RALYL: variants seen among roughly 807,000 people sequenced by gnomAD.
RALYL encodes the protein RNA-binding Raly-like protein.
A neutral mutation model predicts 35.1 loss-of-function variants in RALYL; 29 were observed. That is an observed-to-expected ratio of 0.83 (90% CI 0.61 to 1.13). The LOEUF (loss-of-function observed/expected upper bound fraction) is 1.13, where lower values mean the gene tolerates loss of function less well. RALYL is among the 50% of genes most tolerant of loss of function. The pLI, the probability that RALYL is intolerant of heterozygous loss-of-function variation, is 0.00. For synonymous variants in RALYL, 120 were observed against 127.6 expected (o/e 0.94, Z 0.40); for missense variants, 359 against 360.4 (o/e 1.00, Z 0.03).
chr8:84,416,881 C>T (rs2044765284), intron 1 of RALYL, among the ~76,000 whole-genome samples: 7 of 152,090 alleles, frequency 4.6e-5, no homozygotes, highest in Admixed American at 4.6e-4. Flanking sequence ...TAAATGCATA[C>T]ATAGGAAAGT....
chr8:84,262,951 G>A (rs1325148842), intron 1 of RALYL, among the ~76,000 whole-genome samples: 6 of 152,116 alleles, frequency 3.9e-5, no homozygotes, highest in African/African-American at 1.2e-4. Context: ...GTTGAGAAGT[G>A]TCTCTAGTTT....
At chr8:84,619,140 G>A (rs995097196) in intron 2 of RALYL, among the ~76,000 whole-genome samples, 3 of 151,402 alleles carry the variant, frequency 2.0e-5, no homozygotes, top group East Asian at 1.9e-4. Context: ...TTCAATTCCT[G>A]GGTATCCTTG....
chr8:84,654,703 T>C (rs1221267759), intron 2 of RALYL, among the ~76,000 whole-genome samples: 1 of 152,134 alleles, frequency 6.6e-6, no homozygotes, highest in African/African-American at 2.4e-5. Flanking sequence ...TGTGCCTGGC[T>C]TATGTCACTT....
At chr8:84,192,698 C>T (rs1814212259) in intron 1 of RALYL, among the ~76,000 whole-genome samples, 1 of 152,000 alleles carries the variant, frequency 6.6e-6, no homozygotes, top group Admixed American at 6.6e-5. Context: ...GCTAAGATTA[C>T]AGGCGTGTGC....
chr8:84,854,486 G>A (rs1836562704), intron 5 of RALYL, among the ~76,000 whole-genome samples: 1 of 152,094 alleles, frequency 6.6e-6, no homozygotes, highest in Admixed American at 6.5e-5. Flanking sequence ...GCTGATTTGG[G>A]ACATCTCTGG....
chr8:84,303,269 G>C (rs994667353), intron 1 of RALYL, among the ~76,000 whole-genome samples: 1 of 152,188 alleles, frequency 6.6e-6, no homozygotes, highest in South Asian at 2.1e-4. Flanking sequence ...TATGTATTTC[G>C]GTGAGTTGGA....
chr8:84,438,583 G>A (rs1395007991), intron 1 of RALYL, among the ~76,000 whole-genome samples: 1 of 151,820 alleles, frequency 6.6e-6, no homozygotes, highest in African/African-American at 2.4e-5. Context: ...GTTGAGCCGA[G>A]GTTTTGCCAT....
At chr8:84,769,097 A>G (rs181349894) in intron 2 of RALYL, among the ~76,000 whole-genome samples, 111 of 152,366 alleles carry the variant, frequency 7.3e-4, no homozygotes, top group Middle Eastern at 3.4e-3. Flanking sequence ...CTAGAAATAT[A>G]TAAAAGATGT....
intron 1 of RALYL, among the ~76,000 whole-genome samples, chr8:84,485,117 G>A (rs912584777): frequency 5.3e-5 from 8 of 151,938 alleles, no homozygotes; most frequent in African/African-American, 1.2e-4. Context: ...TCTAATATTG[G>A]AATATTTAAG....
At chr8:84,320,116 T>A (rs1367550573) in intron 1 of RALYL, among the ~76,000 whole-genome samples, 1 of 152,076 alleles carries the variant, frequency 6.6e-6, no homozygotes, top group African/African-American at 2.4e-5. Context: ...GTAGTAATTT[T>A]ACAGTAAAGC....
chr8:84,840,632 A>C lies in RALYL; in HGVS notation c.366-9348A>C, dbSNP rs374117118. Among the ~76,000 whole-genome samples the C allele has an allele frequency of 2.9e-3, 447 of 152,244 alleles. 1 individual carries two copies. The highest frequency in any genetic ancestry group is 0.01 in the African/African-American group (435 of 41,536). ...ATACAGAGAACGCCACAAAGATGCT[A>C]CTTGAGAAGAGCAACTCCAAGACAC... On this transcript the variant is annotated intron_variant, in intron 4 of 8. Coordinates refer to ENST00000521268, the MANE Select transcript of RALYL (RefSeq NM_173848.7).
At chr8:84,670,959 A>G (rs946053455) in intron 2 of RALYL, among the ~76,000 whole-genome samples, 2 of 152,158 alleles carry the variant, frequency 1.3e-5, no homozygotes, top group Non-Finnish European at 2.9e-5. Flanking sequence ...TCAAAGTCTC[A>G]TCTGAGACAA....
chr8:84,802,985 A>AAAGAT, intron 3 of RALYL, among the ~76,000 whole-genome samples: 1 of 152,146 alleles, frequency 6.6e-6, no homozygotes, highest in South Asian at 2.1e-4. Context: ...GAGAGAGGAG[A>AAAGAT]AAGATATAAA....
chr8:84,442,980 T>A (rs1324523414), intron 1 of RALYL, among the ~76,000 whole-genome samples: 1 of 152,106 alleles, frequency 6.6e-6, no homozygotes, highest in Admixed American at 6.6e-5. Flanking sequence ...GGAAGTGATG[T>A]GAAAGAGCCT....
At chr8:84,486,543 C>G (rs951932606) in intron 1 of RALYL, among the ~76,000 whole-genome samples, 4 of 151,726 alleles carry the variant, frequency 2.6e-5, no homozygotes, top group Non-Finnish European at 5.9e-5. Flanking sequence ...TCTGTCTATG[C>G]TCATATTTGG....
At chr8:84,462,117 T>A (rs191092865) in intron 1 of RALYL, among the ~76,000 whole-genome samples, 118 of 151,814 alleles carry the variant, frequency 7.8e-4, no homozygotes, top group African/African-American at 2.6e-3. Flanking sequence ...TAATCAGTTT[T>A]TTTTTTATTT....
Position 84,432,561 on chromosome 8 carries a change from C to A in RALYL, c.-23-96738C>A, listed in dbSNP as rs542232133. Among the ~76,000 whole-genome samples, 8 of 151,954 alleles carry A rather than the reference C, an allele frequency of 5.3e-5. No homozygotes were observed. The East Asian group carries it at 1.4e-3, about 26-fold the overall frequency. On this transcript the variant is annotated intron_variant, in intron 1 of 8. Transcript: ENST00000521268. Reference sequence around the variant, plus strand: ...TAATCTGCATGGGTTGAATTGTGTCCCCCAGAATGATATGTTGCAGCACTA... The same window carrying A: ...TAATCTGCATGGGTTGAATTGTGTCACCCAGAATGATATGTTGCAGCACTA...
intron 2 of RALYL, among the ~76,000 whole-genome samples, chr8:84,729,993 C>T (rs1321613026): frequency 6.6e-6 from 1 of 152,086 alleles, no homozygotes; most frequent in African/African-American, 2.4e-5. Context: ...GAAACTATTC[C>T]AATCAATAGA....
intron 2 of RALYL, among the ~76,000 whole-genome samples, chr8:84,607,170 T>C (rs767366688): frequency 6.6e-6 from 1 of 152,000 alleles, no homozygotes; most frequent in Admixed American, 6.6e-5. Context: ...TCCTTCTCTT[T>C]TCCCCCCCCT....
Sources: allele counts gnomAD v4.1 joint callset (sites outside exome capture counted in the v4.1 genomes callset), GRCh38; gene constraint gnomAD v4.1.1; transcripts MANE v1.5; gene names NCBI Gene and HGNC (gene_info 2026-07-23, HGNC 2026-07-21).